ELP4: variants seen among roughly 807,000 people sequenced by gnomAD.
ELP4 encodes elongator complex protein 4.
A neutral mutation model predicts 48.9 loss-of-function variants in ELP4; 51 were observed. The observed-to-expected ratio is 1.04, with a 90% CI of 0.83 to 1.32. The LOEUF (loss-of-function observed/expected upper bound fraction) is 1.32, where lower values mean the gene tolerates loss of function less well. Ranked by LOEUF, ELP4 falls within the 40% of genes most tolerant of loss-of-function variation. The pLI is 0.00. For synonymous variants in ELP4, 210 were observed against 189.2 expected (o/e 1.11, Z -0.90); for missense variants, 519 against 514.6 (o/e 1.01, Z -0.08).
intron 9 of ELP4, among the ~76,000 whole-genome samples, chr11:31,742,241 C>G (rs1464788439): frequency 6.6e-6 from 1 of 152,122 alleles, no homozygotes; most frequent in East Asian, 1.9e-4. Context: ...AAATATGGGA[C>G]TATGTGAAAA....
At chr11:31,586,073 T>G (rs1957467337) in intron 3 of ELP4, among the ~76,000 whole-genome samples, 1 of 152,154 alleles carries the variant, frequency 6.6e-6, no homozygotes, top group Non-Finnish European at 1.5e-5. Context: ...AATTTTTTAT[T>G]TAATAAATTT....
At chr11:31,643,546 G>A (rs1945141951) in intron 7 of ELP4, among the ~76,000 whole-genome samples, 2 of 151,800 alleles carry the variant, frequency 1.3e-5, no homozygotes, top group Admixed American at 6.6e-5. Context: ...AAGGTATTCT[G>A]ATTGTTACTT....
intron 9 of ELP4, among the ~76,000 whole-genome samples, chr11:31,698,676 G>T (rs1451619554): frequency 6.6e-6 from 1 of 152,110 alleles, no homozygotes; most frequent in Non-Finnish European, 1.5e-5. Context: ...GCCTCCCAGA[G>T]TGCTGGGATT....
intron 9 of ELP4, among the ~76,000 whole-genome samples, chr11:31,695,048 G>T (rs1016713965): frequency 1.3e-5 from 2 of 152,154 alleles, no homozygotes; most frequent in African/African-American, 4.8e-5. Flanking sequence ...AGCTTAAGGA[G>T]ATTTTGGGCC....
At chr11:31,735,714 T>G (rs1947297565) in intron 9 of ELP4, among the ~76,000 whole-genome samples, 1 of 152,054 alleles carries the variant, frequency 6.6e-6, no homozygotes, top group South Asian at 2.1e-4. Flanking sequence ...ATGAGTGAAC[T>G]CCCATTCACA....
rs533566272 is a variant in ELP4, at chr11:31,591,454, A to G, written c.382-3316A>G. 9.4e-5 allele frequency among the ~76,000 whole-genome samples: 14 copies of G among 148,694 alleles called. No homozygotes were observed. The South Asian group carries it at 2.8e-3, about 29-fold the overall frequency. ...GGGGGGGTATAAAACCATGATAGACATATTTCTAAAGAAGAAATACAGATG... is the reference window on the plus strand; with the variant it reads ...GGGGGGGTATAAAACCATGATAGACGTATTTCTAAAGAAGAAATACAGATG... On this transcript the variant is annotated intron_variant, in intron 3 of 9. Transcript: ENST00000640961.
intron 9 of ELP4, among the ~76,000 whole-genome samples, chr11:31,752,060 C>T (rs936211169): frequency 4.6e-5 from 7 of 151,904 alleles, no homozygotes; most frequent in African/African-American, 1.7e-4. Context: ...AGGGATAATA[C>T]GGGAAAAGGA....
intron 1 of ELP4, 29 bp downstream of exon 1, chr11:31,510,036 G>A: frequency 6.3e-7 from 1 of 1,594,638 alleles, no homozygotes; most frequent in African/African-American, 1.3e-5. Context: ...TCTGGGCTCA[G>A]CCGAGGGGAA....
At chr11:31,563,068 A>G (rs1957047109) in intron 3 of ELP4, among the ~76,000 whole-genome samples, 1 of 152,216 alleles carries the variant, frequency 6.6e-6, no homozygotes. Context: ...AAAATTCAAC[A>G]AAGTAACATA....
At chr11:31,575,068 G>C (rs1378246128) in intron 3 of ELP4, among the ~76,000 whole-genome samples, 1 of 152,170 alleles carries the variant, frequency 6.6e-6, no homozygotes, top group Non-Finnish European at 1.5e-5. Context: ...TGGCTAACTA[G>C]AATAAACAGT....
At chr11:31,655,869 A>G (rs1945422287) in intron 9 of ELP4, among the ~76,000 whole-genome samples, 1 of 152,038 alleles carries the variant, frequency 6.6e-6, no homozygotes, top group African/African-American at 2.4e-5. Context: ...CCAAAGTAAT[A>G]GTACTGTACT....
At chr11:31,738,189 G>C (rs1232754997) in intron 9 of ELP4, among the ~76,000 whole-genome samples, 1 of 138,298 alleles carries the variant, frequency 7.2e-6, no homozygotes, top group Non-Finnish European at 1.5e-5. Context: ...TGAGCCAGGA[G>C]TTCGAGATCA....
chr11:31,712,658 T>C, intron 9 of ELP4, among the ~76,000 whole-genome samples: 1 of 152,178 alleles, frequency 6.6e-6, no homozygotes, highest in East Asian at 1.9e-4. Context: ...AATTTAATCT[T>C]TGAAAATATT....
intron 5 of ELP4, among the ~76,000 whole-genome samples, chr11:31,622,560 A>AT (rs1254493601): frequency 1.1e-4 from 16 of 151,448 alleles, no homozygotes; most frequent in Non-Finnish European, 2.1e-4. Flanking sequence ...TTTACAGCTA[A>AT]TTTTTTTATC....
At chr11:31,588,665 A>G (rs192591078) in intron 3 of ELP4, among the ~76,000 whole-genome samples, 62 of 152,358 alleles carry the variant, frequency 4.1e-4, no homozygotes, top group Non-Finnish European at 7.6e-4. Flanking sequence ...GAAATGAACT[A>G]TAAGTTCAAT....
chr11:31,700,235 AG>A (rs1354063612), intron 9 of ELP4, among the ~76,000 whole-genome samples: 126 of 152,050 alleles, frequency 8.3e-4, no homozygotes, highest in African/African-American at 2.9e-3. Context: ...TTAAAAAAAA[AG>A]AAAAATGGAG....
At chr11:31,514,819 T>A (rs1379891487) in intron 1 of ELP4, among the ~76,000 whole-genome samples, 1 of 152,218 alleles carries the variant, frequency 6.6e-6, no homozygotes, top group African/African-American at 2.4e-5. Context: ...TATTTATTTA[T>A]TTTTTGGTTG....
At chr11:31,687,294 G>C (rs1946181164) in intron 9 of ELP4, among the ~76,000 whole-genome samples, 1 of 152,164 alleles carries the variant, frequency 6.6e-6, no homozygotes, top group Non-Finnish European at 1.5e-5. Context: ...GGTAGTTGAA[G>C]ACATTAGAAC....
chr11:31,623,390 T>TATATATATATA (rs67986763), intron 5 of ELP4, among the ~76,000 whole-genome samples: 3 of 92,578 alleles, frequency 3.2e-5, no homozygotes, highest in East Asian at 3.2e-4. Context: ...TATATATATA[T>TATATATATATA]AAAACTAGAA....
Sources: allele counts gnomAD v4.1 joint callset (sites outside exome capture counted in the v4.1 genomes callset), GRCh38; gene constraint gnomAD v4.1.1; transcripts MANE v1.5; gene names NCBI Gene and HGNC (gene_info 2026-07-23, HGNC 2026-07-21).